PTPRN2: variants seen among roughly 807,000 people sequenced by gnomAD.
PTPRN2 encodes the protein protein tyrosine phosphatase receptor type N2, also known as receptor-type tyrosine-protein phosphatase N2.
A neutral mutation model predicts 118.8 loss-of-function variants in PTPRN2; 74 were observed. The observed-to-expected ratio is 0.62, with a 90% confidence interval of 0.52 to 0.76. The LOEUF (loss-of-function observed/expected upper bound fraction) is 0.76. PTPRN2 is among the 30% of genes least tolerant of loss of function. The probability of loss-of-function intolerance (pLI) is 0.00; values close to 1 mark genes in which losing one functional copy is unlikely to be tolerated. For missense variants in PTPRN2, 1,481 were observed against 1,394.4 expected (o/e 1.06, Z -0.99); for synonymous variants, 641 against 608.0 (o/e 1.05, Z -0.80).
intron 11 of PTPRN2, among the ~76,000 whole-genome samples, chr7:158,032,413 A>G (rs929049029): frequency 3.3e-5 from 5 of 152,062 alleles, no homozygotes; most frequent in African/African-American, 1.2e-4. Context: ...GTCAGTTCTC[A>G]TGGTGGAGGA....
chr7:158,095,793 G>T (rs1305717857), intron 10 of PTPRN2, among the ~76,000 whole-genome samples: 1 of 152,170 alleles, frequency 6.6e-6, no homozygotes, highest in East Asian at 1.9e-4. Context: ...GCCCTGGCTG[G>T]TCTCAAAACT....
rs76061134 is a variant in PTPRN2 at position 157,948,118 on chromosome 7, C to T, written c.1724-49381G>A. On this transcript the variant is annotated intron_variant, in intron 11 of 22. Transcript: ENST00000389418. Reference sequence around the variant, plus strand: ...TTCTAAACAGTAACCAGAAGCCATACAAGAAAATAAAGAACTTCAGTAAAA... The same window carrying T: ...TTCTAAACAGTAACCAGAAGCCATATAAGAAAATAAAGAACTTCAGTAAAA... Among the ~76,000 whole-genome samples the T allele has an allele frequency of 3.7e-3, 560 of 152,184 alleles. 2 individuals carry two copies. Among genetic ancestry groups the T allele is most frequent in the Non-Finnish European group, 6.3e-3 (430 of 67,996 alleles).
chr7:158,406,901 T>C (rs533814628), intron 2 of PTPRN2, among the ~76,000 whole-genome samples: 1 of 152,336 alleles, frequency 6.6e-6, no homozygotes, highest in East Asian at 1.9e-4. Context: ...GCTTTATCTC[T>C]CAACATGGAA....
At chr7:158,441,451 G>A (rs1200716258) in intron 2 of PTPRN2, among the ~76,000 whole-genome samples, 3 of 56,794 alleles carry the variant, frequency 5.3e-5, no homozygotes, top group South Asian at 5.6e-4. Context: ...AGTGGTGGCA[G>A]TGGTGGTGAT....
chr7:158,277,785 C>T (rs1420823606), intron 3 of PTPRN2, among the ~76,000 whole-genome samples: 2 of 152,214 alleles, frequency 1.3e-5, no homozygotes, highest in Non-Finnish European at 2.9e-5. Flanking sequence ...AGAGGAGCAG[C>T]CCAGGGCAGC....
intron 12 of PTPRN2, among the ~76,000 whole-genome samples, chr7:157,885,027 CTT>C (rs1796371477): frequency 1.3e-5 from 2 of 152,152 alleles, no homozygotes; most frequent in Admixed American, 6.5e-5. Flanking sequence ...TTGTTTATCT[CTT>C]GTGAATCGGT....
rs529286595 is a variant in PTPRN2 at position 157,784,642 on chromosome 7, T to A, written c.1789-101705A>T. Among the ~76,000 whole-genome samples, 1 of 120,182 alleles carries A rather than the reference T, an allele frequency of 8.3e-6. No individual in the cohort carries two copies. Among genetic ancestry groups the A allele is most frequent in the East Asian group, 2.0e-4 (1 of 5,116 alleles). The allele number at this position is 120,182 out of a possible 152,430, so 78.8% of individuals were successfully genotyped here. A position where few individuals can be genotyped will look rare whatever the true frequency, so the allele number is the denominator to read the frequency against. ...GATCCCATATGAAACGGGCAGGGGC[T>A]GGGCTGATCCCGTATGAAACGGGCA... On this transcript the variant is annotated intron_variant, in intron 12 of 22. Coordinates refer to ENST00000389418, the MANE Select transcript of PTPRN2 (RefSeq NM_002847.5). This position sits in a 1 kb window ranked among gnomAD's most constrained non-coding sequence, Gnocchi z 4.6.
In PTPRN2 at chr7:157,674,847, G is replaced by A. The variant is rs946624820; in HGVS notation, c.2001+7878C>T. On this transcript the variant is annotated intron_variant, in intron 13 of 22. Coordinates refer to ENST00000389418, the MANE Select transcript of PTPRN2 (RefSeq NM_002847.5). This position sits in a 1 kb window ranked among gnomAD's most constrained non-coding sequence, Gnocchi z 4.5. ...CACGCCGAGCTCCTCCTGCCGGGGG[G>A]GTCTGCACAGTTCTGGGTGGGGGAG... 6.6e-6 allele frequency among the ~76,000 whole-genome samples: 1 copy of A among 152,184 alleles called. No homozygotes were observed. Among genetic ancestry groups the A allele is most frequent in the African/African-American group, 2.4e-5 (1 of 41,462 alleles).
rs1467805350 is a variant in PTPRN2 at position 157,550,062 on chromosome 7, A to G, written c.2903-1043T>C. ...GACAGCGCTGGCCGAAGACCTGAGG[A>G]GGCCCGGGTGGCCCAGAGTCAGGTG... On this transcript the variant is annotated intron_variant, in intron 21 of 22. Transcript: ENST00000389418. This position sits in a 1 kb window ranked among gnomAD's most constrained non-coding sequence, Gnocchi z 5.2. 6.6e-6 allele frequency among the ~76,000 whole-genome samples: 1 copy of G among 152,226 alleles called. No homozygotes were observed. The highest frequency in any genetic ancestry group is 1.5e-5 in the Non-Finnish European group (1 of 68,028).
Position 158,342,353 on chromosome 7 carries a change from A to G in PTPRN2, c.164-25421T>C, listed in dbSNP as rs1436832031. ...ATAAGAGCTGACACCTGCAGACGTCACTCACACCCACACTCTCACCATAAG... is the reference window on the plus strand; with the variant it reads ...ATAAGAGCTGACACCTGCAGACGTCGCTCACACCCACACTCTCACCATAAG... On this transcript the variant is annotated intron_variant, in intron 2 of 22. Transcript: ENST00000389418. 1.2e-3 allele frequency among the ~76,000 whole-genome samples: 176 copies of G among 141,536 alleles called. 6 individuals carry two copies. Among genetic ancestry groups the G allele is most frequent in the African/African-American group, 4.5e-3 (163 of 36,014 alleles). The allele number at this position is 141,536 out of a possible 152,430, so 92.9% of individuals were successfully genotyped here.
chr7:157,792,333 T>C (rs1324840293), intron 12 of PTPRN2, among the ~76,000 whole-genome samples: 1 of 152,228 alleles, frequency 6.6e-6, no homozygotes, highest in East Asian at 1.9e-4. Context: ...AGCCCAGCCC[T>C]GGGCCATCTC....
chr7:157,564,496 C>T (rs1045126754), intron 21 of PTPRN2, among the ~76,000 whole-genome samples: 3 of 152,112 alleles, frequency 2.0e-5, no homozygotes, highest in African/African-American at 7.2e-5. Flanking sequence ...AGTAAAAAAC[C>T]CCGATGTAAT....
At chr7:158,549,229 G>A (rs1826486428) in intron 1 of PTPRN2, among the ~76,000 whole-genome samples, 1 of 152,218 alleles carries the variant, frequency 6.6e-6, no homozygotes, top group African/African-American at 2.4e-5. Flanking sequence ...TGAAACTGAA[G>A]TTGACATAAA....
intron 12 of PTPRN2, among the ~76,000 whole-genome samples, chr7:157,718,492 C>T (rs1397041894): frequency 1.3e-5 from 2 of 152,248 alleles, no homozygotes; most frequent in Non-Finnish European, 2.9e-5. Context: ...CCCGGCCTGG[C>T]TCCAGGTCTG....
At chr7:158,538,235 G>A (rs55912958) in intron 1 of PTPRN2, among the ~76,000 whole-genome samples, 31,598 of 152,212 alleles carry the variant, frequency 0.21, 3,651 homozygotes, top group East Asian at 0.42. Context: ...CATACTCGAC[G>A]TAGCCCACAG....
At chr7:157,822,031 T>C (rs1806873119) in intron 12 of PTPRN2, among the ~76,000 whole-genome samples, 1 of 151,120 alleles carries the variant, frequency 6.6e-6, no homozygotes, top group Non-Finnish European at 1.5e-5. Flanking sequence ...CCTCTATCTA[T>C]ACACCATCCA....
chr7:158,328,941 C>T (rs1803892559), intron 2 of PTPRN2, among the ~76,000 whole-genome samples: 1 of 151,458 alleles, frequency 6.6e-6, no homozygotes, highest in African/African-American at 2.4e-5. Flanking sequence ...CCAGGAGAGG[C>T]CAGCTTCCCT....
intron 2 of PTPRN2, among the ~76,000 whole-genome samples, chr7:158,351,552 C>T (rs539352708): frequency 2.6e-5 from 4 of 152,298 alleles, no homozygotes; most frequent in East Asian, 1.9e-4. Context: ...CACTTTAGCC[C>T]CGCGTTTCTT....
chr7:158,374,262 G>T (rs944446631), intron 2 of PTPRN2, among the ~76,000 whole-genome samples: 1 of 152,154 alleles, frequency 6.6e-6, no homozygotes, highest in Non-Finnish European at 1.5e-5. Flanking sequence ...CCCTTGTCAG[G>T]AGGAGGGAGC....
Sources: gnomAD v4.1 joint callset for allele counts (sites outside exome capture counted in the v4.1 genomes callset) on GRCh38, gnomAD v4.1.1 for gene constraint, Gnocchi (gnomAD v3.1) non-coding constraint, MANE v1.5 for transcripts, NCBI Gene and HGNC (gene_info 2026-07-23, HGNC 2026-07-21) for gene names.